The following SLC5A8 variants were observed in gnomAD, a reference collection of about 807,000 sequenced individuals.
The protein encoded by SLC5A8 is sodium-coupled monocarboxylate transporter 1.
Under a neutral mutation model 71.9 loss-of-function variants are expected in SLC5A8, and 55 were observed. That is an observed-to-expected ratio of 0.77 (90% CI 0.62 to 0.96). SLC5A8 has a LOEUF of 0.96. SLC5A8 is among the 40% of genes least tolerant of loss of function. SLC5A8 has a pLI of 0.00. For synonymous variants in SLC5A8, 307 were observed against 276.1 expected, an observed-to-expected ratio of 1.11 and a Z score of -1.11; for missense variants, 701 against 745.3, an observed-to-expected ratio of 0.94 and a Z score of 0.69.
At position 101,175,406 on chromosome 12, in the gene SLC5A8, A is replaced by C. The variant is rs376419032; in HGVS notation, c.1233+4623T>G. On this transcript the variant is annotated intron_variant, in intron 10 of 14. Transcript: ENST00000536262. ...GGGGTGGAAAAGTACTCAAAGAATTAATGTCTGAACTTCTCAAATTTGATA... is the reference window on the plus strand; with the variant it reads ...GGGGTGGAAAAGTACTCAAAGAATTCATGTCTGAACTTCTCAAATTTGATA... 3.5e-4 allele frequency among the ~76,000 whole-genome samples: 53 copies of C among 152,258 alleles called. No homozygotes were observed. In the South Asian group the frequency reaches 7.5e-3, roughly 21 times the overall value.
intron 10 of SLC5A8, among the ~76,000 whole-genome samples, chr12:101,168,502 C>T (rs1409735998): frequency 6.6e-6 from 1 of 152,188 alleles, no homozygotes; most frequent in African/African-American, 2.4e-5. Context: ...TAGCATTGCT[C>T]TTGCAGGTGT....
In SLC5A8 at chr12:101,157,372, A is replaced by T; in HGVS notation, c.1740T>A (p.His580Gln). 2.5e-6 allele frequency: 4 copies of T among 1,609,762 alleles called. No individual in the cohort carries two copies. The highest frequency in any genetic ancestry group is 3.4e-6 in the Non-Finnish European group (4 of 1,177,564). The change falls in exon 15 of 15, where the codon CAT becomes CAA. Residue 580 changes from histidine to glutamine, a missense_variant. His to Gln is a conservative substitution (Grantham distance 24, BLOSUM62 0). Transcript: ENST00000536262. ...TATCAGTTCCACCATCTTCCACTGG[A>T]TGTGATTTATAGCTCAAAACATGCT... ...KKKHVLSYKS[H>Q]PVEDGGTDNP...
chr12:101,199,293 A>G (rs1367952386), intron 3 of SLC5A8: 1 of 151,900 alleles, frequency 6.6e-6, no homozygotes, highest in Non-Finnish European at 1.5e-5. Context: ...TGCTTCACAA[A>G]TTTGCATATC....
chr12:101,197,179 T>A (rs945613781), intron 3 of SLC5A8, among the ~76,000 whole-genome samples: 4 of 152,218 alleles, frequency 2.6e-5, no homozygotes, highest in African/African-American at 9.6e-5. Context: ...AAATCTGACA[T>A]TTATCCTCCC....
At chr12:101,205,228 T>C (rs1869628661) in intron 1 of SLC5A8, among the ~76,000 whole-genome samples, 1 of 152,108 alleles carries the variant, frequency 6.6e-6, no homozygotes, top group South Asian at 2.1e-4. Context: ...GCTGCCCCGG[T>C]TTCTGTCCTT....
At chr12:101,185,654 C>A (rs1390153034) in intron 7 of SLC5A8, among the ~76,000 whole-genome samples, 2 of 152,182 alleles carry the variant, frequency 1.3e-5, no homozygotes, top group African/African-American at 4.8e-5. Flanking sequence ...TCTCGGCTCA[C>A]TGCAATCTCC....
At chr12:101,202,132 T>C (rs1393692486) in intron 3 of SLC5A8, 32 bp downstream of exon 3, 3 of 1,605,312 alleles carry the variant, frequency 1.9e-6, no homozygotes, top group Non-Finnish European at 2.6e-6. Context: ...CCCCAAAATG[T>C]GAGTTACCTA....
In SLC5A8 at chr12:101,187,364, T is replaced by A. The variant is rs1298125568; in HGVS notation, c.963+22A>T. 10 of 1,603,302 alleles carry A rather than the reference T, an allele frequency of 6.2e-6. No homozygotes were observed. The East Asian group carries it at 2.2e-4, about 36-fold the overall frequency. On this transcript the variant is annotated intron_variant, in intron 7 of 14. Transcript: ENST00000536262. ...TTTTTGAATATTATTAATACACCTG[T>A]AAGAAAGACATGGTACTGAACCTGG...
At chr12:101,194,780 A>T (rs1461484294) in intron 4 of SLC5A8, among the ~76,000 whole-genome samples, 1 of 152,134 alleles carries the variant, frequency 6.6e-6, no homozygotes, top group African/African-American at 2.4e-5. Context: ...CCTATGACCT[A>T]TGATAGGTTT....
At chr12:101,167,096 G>A (rs2051780605) in intron 11 of SLC5A8, among the ~76,000 whole-genome samples, 1 of 152,142 alleles carries the variant, frequency 6.6e-6, no homozygotes, top group South Asian at 2.1e-4. Flanking sequence ...TCTTCCGGAG[G>A]AAATACACGC....
At chr12:101,190,408 A>G in intron 6 of SLC5A8, 60 bp downstream of exon 6, 2 of 1,541,712 alleles carry the variant, frequency 1.3e-6, no homozygotes, top group Non-Finnish European at 1.8e-6. Flanking sequence ...CTTATGAAAG[A>G]GTTTCCATAA....
chr12:101,157,872 TAGAG>T (rs1211060486), intron 14 of SLC5A8, among the ~76,000 whole-genome samples: 2 of 151,796 alleles, frequency 1.3e-5, no homozygotes, highest in Non-Finnish European at 2.9e-5. Flanking sequence ...TATCAGAGGA[TAGAG>T]AGAGATAGAT....
chr12:101,178,216 G>T (rs1262387509), intron 10 of SLC5A8, among the ~76,000 whole-genome samples: 2 of 152,116 alleles, frequency 1.3e-5, no homozygotes, highest in Non-Finnish European at 2.9e-5. Flanking sequence ...ACATGGTAAA[G>T]ATGTCATTTC....
At chr12:101,171,144 T>G (rs2051826065) in intron 10 of SLC5A8, among the ~76,000 whole-genome samples, 1 of 152,166 alleles carries the variant, frequency 6.6e-6, no homozygotes, top group Non-Finnish European at 1.5e-5. Context: ...TATACTTGTA[T>G]TCAATCCAGG....
chr12:101,192,344 AG>A (rs1165139541), intron 5 of SLC5A8, among the ~76,000 whole-genome samples: 1 of 152,244 alleles, frequency 6.6e-6, no homozygotes, highest in East Asian at 1.9e-4. Context: ...TTTCTGAAAA[AG>A]CTTTTTCTCA....
At chr12:101,172,115 C>A (rs1007144044) in intron 10 of SLC5A8, among the ~76,000 whole-genome samples, 2 of 152,094 alleles carry the variant, frequency 1.3e-5, no homozygotes, top group African/African-American at 4.8e-5. Flanking sequence ...CCCGATGAAG[C>A]CAAAGTTCAA....
chr12:101,205,221 G>A (rs1346509509), intron 1 of SLC5A8, among the ~76,000 whole-genome samples: 1 of 152,210 alleles, frequency 6.6e-6, no homozygotes, highest in Non-Finnish European at 1.5e-5. Flanking sequence ...TGAAAAGGCT[G>A]CCCCGGTTTC....
At chr12:101,158,405 G>A in intron 13 of SLC5A8, 77 bp from the exon 14 acceptor site, 1 of 900,772 alleles carries the variant, frequency 1.1e-6, no homozygotes, top group Non-Finnish European at 1.7e-6. Flanking sequence ...CATTATACAG[G>A]CATTTAACTT....
chr12:101,187,055 C>A (rs113512424), intron 7 of SLC5A8, among the ~76,000 whole-genome samples: 1,638 of 152,162 alleles, frequency 0.011, 17 homozygotes, highest in South Asian at 0.028. Context: ...TTCTATAGTA[C>A]AATGGTTTGT....
Sources: allele counts gnomAD v4.1 joint callset (sites outside exome capture counted in the v4.1 genomes callset), GRCh38; gene constraint gnomAD v4.1.1; transcripts MANE v1.5; gene names NCBI Gene and HGNC (gene_info 2026-07-23, HGNC 2026-07-21).